The following XKR4 variants were observed in gnomAD, a reference collection of about 807,000 sequenced individuals.
The protein encoded by XKR4 is XK-related protein 4.
Under a neutral mutation model 53.9 loss-of-function variants are expected in XKR4, and 12 were observed. The ratio of observed to expected loss-of-function variants is 0.22; its 90% CI spans 0.14 to 0.36. The LOEUF (loss-of-function observed/expected upper bound fraction) is 0.36. Among genes scored for constraint, XKR4 ranks in the 10% least tolerant of loss-of-function variants. The probability of loss-of-function intolerance (pLI) is 1.00; values close to 1 mark genes in which losing one functional copy is unlikely to be tolerated. For missense variants in XKR4, 799 were observed against 859.5 expected (o/e 0.93, Z 0.88); for synonymous variants, 354 against 362.4 (o/e 0.98, Z 0.26).
At chr8:55,471,682 T>C (rs890171340) in intron 2 of XKR4, among the ~76,000 whole-genome samples, 1 of 152,174 alleles carries the variant, frequency 6.6e-6, no homozygotes, top group Non-Finnish European at 1.5e-5. Flanking sequence ...AGGTGGGGCC[T>C]GGTGGGAGGT....
intron 1 of XKR4, among the ~76,000 whole-genome samples, chr8:55,253,821 C>G (rs1390191724): frequency 6.6e-6 from 1 of 151,126 alleles, no homozygotes; most frequent in Non-Finnish European, 1.5e-5. Flanking sequence ...GCAGCCTCCA[C>G]CTCCCATGCT....
At chr8:55,105,595 A>G (rs997141942) in intron 1 of XKR4, among the ~76,000 whole-genome samples, 1 of 152,150 alleles carries the variant, frequency 6.6e-6, no homozygotes, top group African/African-American at 2.4e-5. Flanking sequence ...ATATTCTGGA[A>G]ATATTTGTCA....
At chr8:55,512,501 C>A (rs1806642525) in intron 2 of XKR4, among the ~76,000 whole-genome samples, 1 of 152,174 alleles carries the variant, frequency 6.6e-6, no homozygotes. Context: ...CCTCCTGGAC[C>A]AAGCCTTAGT....
intron 2 of XKR4, among the ~76,000 whole-genome samples, chr8:55,400,965 T>C (rs1356610925): frequency 6.6e-6 from 1 of 152,164 alleles, no homozygotes; most frequent in African/African-American, 2.4e-5. Flanking sequence ...CACAAATGGA[T>C]GATGTATTAA....
chr8:55,257,841 A>C (rs549519115), intron 1 of XKR4, among the ~76,000 whole-genome samples: 2 of 152,334 alleles, frequency 1.3e-5, no homozygotes, highest in African/African-American at 4.8e-5. Flanking sequence ...TCCAACATCT[A>C]AAATGTATCT....
In XKR4 at chr8:55,452,170, G is replaced by A. The variant is rs561859876; in HGVS notation, c.1007-71111G>A. 2.8e-4 allele frequency: 204 copies of A among 725,768 alleles called. 1 individual carries two copies. The East Asian group carries it at 4.4e-3, about 16-fold the overall frequency. 45.0% of individuals were successfully genotyped at this position (725,768 alleles called of 1,614,324 possible). A position where few individuals can be genotyped will look rare whatever the true frequency, so the allele number is the denominator to read the frequency against. On this transcript the variant is annotated intron_variant, in intron 2 of 2. Transcript: ENST00000327381. ...AGCTTATGCAGCTGCTTGCAGAAGA[G>A]CTCGGCACTGTCAGACCCCACCTCC...
At chr8:55,194,486 G>T (rs867035185) in intron 1 of XKR4, among the ~76,000 whole-genome samples, 1 of 152,168 alleles carries the variant, frequency 6.6e-6, no homozygotes, top group South Asian at 2.1e-4. Context: ...TACTCTGTGG[G>T]TGCCAATCAA....
intron 1 of XKR4, among the ~76,000 whole-genome samples, chr8:55,180,987 G>A (rs908929904): frequency 3.2e-4 from 48 of 152,142 alleles, no homozygotes; most frequent in African/African-American, 1.2e-3. Flanking sequence ...GCCAATGATG[G>A]TATCAATGCA....
chr8:55,238,268 G>C (rs971296175), intron 1 of XKR4, among the ~76,000 whole-genome samples: 15 of 152,300 alleles, frequency 9.8e-5, no homozygotes, highest in Non-Finnish European at 1.5e-4. Context: ...CTAGGCCCAA[G>C]GCTGCTGGTT....
chr8:55,210,241 C>G (rs534634597), intron 1 of XKR4, among the ~76,000 whole-genome samples: 1 of 152,030 alleles, frequency 6.6e-6, no homozygotes, highest in African/African-American at 2.4e-5. Context: ...CTCGCCACCA[C>G]GCCTGGCTAA....
chr8:55,311,426 A>G (rs1160056625), intron 1 of XKR4, among the ~76,000 whole-genome samples: 1 of 152,238 alleles, frequency 6.6e-6, no homozygotes, highest in Non-Finnish European at 1.5e-5. Context: ...GGGTCCAGCC[A>G]GCTGAAGAGA....
intron 1 of XKR4, among the ~76,000 whole-genome samples, chr8:55,350,163 A>AT (rs1803705736): frequency 6.6e-6 from 1 of 152,164 alleles, no homozygotes; most frequent in Non-Finnish European, 1.5e-5. Context: ...GGTTTTAACC[A>AT]TTTTTTGTAC....
chr8:55,253,288 C>T (rs1446452429), intron 1 of XKR4, among the ~76,000 whole-genome samples: 2 of 152,078 alleles, frequency 1.3e-5, no homozygotes, highest in Non-Finnish European at 2.9e-5. Context: ...AAGCCAAATG[C>T]AATTAAATGG....
chr8:55,159,386 T>G (rs1816953442), intron 1 of XKR4, among the ~76,000 whole-genome samples: 1 of 152,180 alleles, frequency 6.6e-6, no homozygotes, highest in Non-Finnish European at 1.5e-5. Flanking sequence ...AGACAAATAC[T>G]AAGCAAAATA....
At chr8:55,402,334 C>T (rs1804613270) in intron 2 of XKR4, among the ~76,000 whole-genome samples, 1 of 152,172 alleles carries the variant, frequency 6.6e-6, no homozygotes, top group South Asian at 2.1e-4. Flanking sequence ...CCATGCAGAC[C>T]AAACACTTAG....
At chr8:55,451,537 A>G in intron 2 of XKR4, 2 of 1,040,332 alleles carry the variant, frequency 1.9e-6, no homozygotes, top group Non-Finnish European at 2.9e-6. Flanking sequence ...GACTACACCT[A>G]TGCCGTACAG....
At chr8:55,350,450 A>AT (rs1391391278) in intron 1 of XKR4, among the ~76,000 whole-genome samples, 5 of 152,218 alleles carry the variant, frequency 3.3e-5, no homozygotes, top group African/African-American at 1.2e-4. Context: ...AAATTCAGGC[A>AT]TTTTAAAACT....
intron 2 of XKR4, among the ~76,000 whole-genome samples, chr8:55,398,581 C>A (rs1475096439): frequency 6.6e-6 from 1 of 152,130 alleles, no homozygotes; most frequent in Non-Finnish European, 1.5e-5. Context: ...TTTGCTTGGG[C>A]ATTAATTGGC....
chr8:55,439,848 A>AT (rs1000129789), intron 2 of XKR4, among the ~76,000 whole-genome samples: 2 of 152,214 alleles, frequency 1.3e-5, no homozygotes, highest in African/African-American at 4.8e-5. Context: ...AAAGATGTCT[A>AT]TCTTCATACT....
Sources: allele counts gnomAD v4.1 joint callset (sites outside exome capture counted in the v4.1 genomes callset), GRCh38; gene constraint gnomAD v4.1.1; transcripts MANE v1.5; gene names NCBI Gene and HGNC (gene_info 2026-07-23, HGNC 2026-07-21).